Variants in WWOX observed in about 807,000 individuals in gnomAD.
WWOX encodes the protein WW domain containing oxidoreductase.
WWOX carries 69 observed loss-of-function variants against 46.2 expected under a neutral mutation model. The ratio of observed to expected loss-of-function variants is 1.49; its 90% CI spans 1.23 to 1.82. The LOEUF (loss-of-function observed/expected upper bound fraction) is 1.82, where lower values mean the gene tolerates loss of function less well. Among genes scored for constraint, WWOX ranks in the 40% most tolerant of loss-of-function variants. The probability of loss-of-function intolerance (pLI) is 0.00; values close to 1 mark genes in which losing one functional copy is unlikely to be tolerated. For synonymous variants in WWOX, 359 were observed against 202.6 expected (o/e 1.77, Z -6.56); for missense variants, 919 against 542.6 (o/e 1.69, Z -6.89).
At chr16:78,469,012 C>G (rs962201670) in intron 8 of WWOX, among the ~76,000 whole-genome samples, 6 of 152,198 alleles carry the variant, frequency 3.9e-5, no homozygotes, top group Non-Finnish European at 5.9e-5. Flanking sequence ...TTTCTTGAGT[C>G]TCTCAAAAGA....
rs376151617 is a variant in WWOX at position 78,679,774 on chromosome 16, T to C, written c.1056+247022T>C. ...TAATGTCCAAACATCTTCTCATTGA[T>C]GGCTGCCAAGAGAACAGCAGCACTC... On this transcript the variant is annotated intron_variant, in intron 8 of 8. Coordinates refer to ENST00000566780, the MANE Select transcript of WWOX (RefSeq NM_016373.4). Among the ~76,000 whole-genome samples, 28 of 152,346 alleles carry C rather than the reference T, an allele frequency of 1.8e-4. No individual in the cohort carries two copies. The East Asian group carries it at 5.0e-3, about 27-fold the overall frequency.
At chr16:78,963,566 C>G (rs1192836973) in intron 8 of WWOX, among the ~76,000 whole-genome samples, 1 of 152,108 alleles carries the variant, frequency 6.6e-6, no homozygotes, top group South Asian at 2.1e-4. Flanking sequence ...CCTTGAATTA[C>G]TGAATTAGAG....
chr16:79,164,186 G>A (rs1383364636), intron 8 of WWOX, among the ~76,000 whole-genome samples: 2 of 152,110 alleles, frequency 1.3e-5, no homozygotes, highest in African/African-American at 4.8e-5. Flanking sequence ...ATACTTTCAT[G>A]TCTGTTTGAC....
At chr16:79,119,348 G>C (rs2049581210) in intron 8 of WWOX, among the ~76,000 whole-genome samples, 1 of 152,140 alleles carries the variant, frequency 6.6e-6, no homozygotes, top group South Asian at 2.1e-4. Context: ...TTCTAAAGAG[G>C]TTTCGTTATA....
chr16:78,976,821 TAATG>T (rs2046582033), intron 8 of WWOX, among the ~76,000 whole-genome samples: 2 of 152,220 alleles, frequency 1.3e-5, no homozygotes, highest in African/African-American at 4.8e-5. Flanking sequence ...TCAGTGTCTT[TAATG>T]CCTGGTTCAG....
intron 6 of WWOX, among the ~76,000 whole-genome samples, chr16:78,397,950 AG>A (rs1299307144): frequency 1.3e-5 from 2 of 152,184 alleles, no homozygotes; most frequent in Non-Finnish European, 2.9e-5. Flanking sequence ...ACCAATCAAG[AG>A]GGTGCTGCTT....
At chr16:78,678,215 A>C (rs1308196938) in intron 8 of WWOX, among the ~76,000 whole-genome samples, 4 of 152,164 alleles carry the variant, frequency 2.6e-5, no homozygotes, top group Non-Finnish European at 4.4e-5. Flanking sequence ...TGCTTAATGA[A>C]AAGTGAGTGA....
intron 8 of WWOX, among the ~76,000 whole-genome samples, chr16:78,871,476 G>A (rs2044127249): frequency 6.6e-6 from 1 of 152,208 alleles, no homozygotes; most frequent in Admixed American, 6.5e-5. Context: ...CTGCACCTGG[G>A]TGGTCAGAAA....
intron 8 of WWOX, among the ~76,000 whole-genome samples, chr16:78,925,367 C>T (rs536467497): frequency 6.6e-6 from 1 of 152,148 alleles, no homozygotes; most frequent in Non-Finnish European, 1.5e-5. Flanking sequence ...GGGAGATCCA[C>T]CCTTCTCAGT....
intron 5 of WWOX, among the ~76,000 whole-genome samples, chr16:78,334,270 C>T (rs886821045): frequency 2.6e-5 from 4 of 152,186 alleles, no homozygotes; most frequent in East Asian, 1.9e-4. Context: ...GCTGTGAATA[C>T]GGGCTCTCAC....
intron 8 of WWOX, among the ~76,000 whole-genome samples, chr16:79,125,786 G>T (rs2049740498): frequency 6.6e-6 from 1 of 152,204 alleles, no homozygotes; most frequent in Non-Finnish European, 1.5e-5. Flanking sequence ...AGAGCCCCTT[G>T]TGCTAAATTG....
intron 8 of WWOX, among the ~76,000 whole-genome samples, chr16:78,628,920 A>G (rs916570718): frequency 6.6e-6 from 1 of 152,216 alleles, no homozygotes; most frequent in East Asian, 1.9e-4. Context: ...CATTTATCTT[A>G]CAAGAGGCAT....
At chr16:78,610,933 G>A (rs1052183973) in intron 8 of WWOX, among the ~76,000 whole-genome samples, 11 of 152,004 alleles carry the variant, frequency 7.2e-5, no homozygotes, top group Admixed American at 6.6e-4. Flanking sequence ...CAGTGAGAAC[G>A]AACGGAATTT....
At chr16:78,613,095 C>T (rs1238538506) in intron 8 of WWOX, among the ~76,000 whole-genome samples, 7 of 152,114 alleles carry the variant, frequency 4.6e-5, no homozygotes, top group African/African-American at 1.7e-4. Flanking sequence ...GGTTTCTGCC[C>T]TCAGCTTCTC....
intron 8 of WWOX, among the ~76,000 whole-genome samples, chr16:79,050,363 C>A (rs1013401610): frequency 6.6e-6 from 1 of 152,182 alleles, no homozygotes; most frequent in Non-Finnish European, 1.5e-5. Flanking sequence ...CTCTCATCTT[C>A]CTGGGACCAG....
At chr16:79,163,313 G>A (rs1054250752) in intron 8 of WWOX, among the ~76,000 whole-genome samples, 19 of 152,186 alleles carry the variant, frequency 1.2e-4, no homozygotes, top group African/African-American at 4.3e-4. Flanking sequence ...AAACTGCGTG[G>A]TGGAGCTATG....
intron 8 of WWOX, among the ~76,000 whole-genome samples, chr16:78,976,498 C>T (rs2046575127): frequency 6.6e-6 from 1 of 152,210 alleles, no homozygotes; most frequent in South Asian, 2.1e-4. Context: ...GTAATTTCTG[C>T]TTAAGCAAGA....
At chr16:78,115,558 T>C (rs1391324057) in intron 4 of WWOX, among the ~76,000 whole-genome samples, 1 of 152,240 alleles carries the variant, frequency 6.6e-6, no homozygotes, top group East Asian at 1.9e-4. Flanking sequence ...CAAAGGATAC[T>C]ACAGGTTTCG....
chr16:79,118,957 T>A (rs1036746867), intron 8 of WWOX, among the ~76,000 whole-genome samples: 4 of 152,230 alleles, frequency 2.6e-5, no homozygotes, highest in African/African-American at 9.6e-5. Flanking sequence ...ATACTTTTGG[T>A]GTCATAAGGA....
Sources: allele counts gnomAD v4.1 joint callset (sites outside exome capture counted in the v4.1 genomes callset), GRCh38; gene constraint gnomAD v4.1.1; transcripts MANE v1.5; gene names NCBI Gene and HGNC (gene_info 2026-07-23, HGNC 2026-07-21).